Variants in KCNA2 observed in about 807,000 individuals in gnomAD.
KCNA2 encodes potassium channel, voltage gated shaker related subfamily A, member 2.
KCNA2 carries 11 observed loss-of-function variants against 33.4 expected under a neutral mutation model. That is an observed-to-expected ratio of 0.33 (90% confidence interval 0.21 to 0.55). KCNA2 has a LOEUF of 0.55. Among genes scored for constraint, KCNA2 ranks in the 20% least tolerant of loss-of-function variants. KCNA2 has a pLI of 0.93. For synonymous variants in KCNA2, 222 were observed against 231.3 expected, an observed-to-expected ratio of 0.96 and a Z score of 0.37; for missense variants, 291 against 621.6, an observed-to-expected ratio of 0.47 and a Z score of 5.66.
rs1649067669 is a variant in KCNA2, at chr1:110,595,714, C to T, written c.*7569G>A. On this transcript the variant is annotated 3_prime_UTR_variant, in exon 3 of 3. Transcript: ENST00000316361. ...AAGAGGCAACTGAATTTCAGCTGCT[C>T]TAATACCCACACCCTCAACTTAGGT... The T allele has an allele frequency of 1.0e-6, 1 of 985,264 alleles. No individual in the cohort carries two copies. Among genetic ancestry groups the T allele is most frequent in the South Asian group, 4.7e-5 (1 of 21,276 alleles). The allele number at this position is 985,264 out of a possible 1,614,324, so 61.0% of individuals were successfully genotyped here.
At position 110,597,438 on chromosome 1, in the gene KCNA2, T is replaced by C. The variant is rs1020668964; in HGVS notation, c.*5845A>G. The C allele has an allele frequency of 8.1e-6, 8 of 984,870 alleles. No homozygotes were observed. The African/African-American group carries it at 1.1e-4, about 13-fold the overall frequency. The allele number at this position is 984,870 out of a possible 1,614,324, so 61.0% of individuals were successfully genotyped here. A position where few individuals can be genotyped will look rare whatever the true frequency, so the allele number is the denominator to read the frequency against. On this transcript the variant is annotated 3_prime_UTR_variant, in exon 3 of 3. Transcript: ENST00000316361. ...AACTTAGGATTTTCATGCCTAGAGGTTGTAAGGATGCTGTATGACAGCAGG... is the reference window on the plus strand; with the variant it reads ...AACTTAGGATTTTCATGCCTAGAGGCTGTAAGGATGCTGTATGACAGCAGG...
chr1:110,612,263 A>G (rs1376193642), intron 1 of KCNA2, among the ~76,000 whole-genome samples: 4 of 152,150 alleles, frequency 2.6e-5, no homozygotes, highest in Non-Finnish European at 5.9e-5. Flanking sequence ...CGTTGTGCAA[A>G]CATCGTAGAG....
chr1:110,598,689 A>G lies in KCNA2; in HGVS notation c.*4594T>C. 1.0e-6 allele frequency: 1 copy of G among 985,290 alleles called. No homozygotes were observed. The highest frequency in any genetic ancestry group is 1.2e-6 in the Non-Finnish European group (1 of 829,924). The allele number at this position is 985,290 out of a possible 1,614,324, so 61.0% of individuals were successfully genotyped here. On this transcript the variant is annotated 3_prime_UTR_variant, in exon 3 of 3. Transcript: ENST00000316361. ...GCACACTCCCGTGGGGCCCCTTTTA[A>G]AAGGCTAACCTCATGGTGACATGCC... is the stretch of plus-strand genomic sequence containing the variant.
chr1:110,609,516 C>A (rs1570758563), upstream of KCNA2, among the ~76,000 whole-genome samples: 2 of 152,260 alleles, frequency 1.3e-5, no homozygotes, highest in East Asian at 3.9e-4. Flanking sequence ...GGAATTAGGT[C>A]TTTGTGATTC....
Position 110,603,284 on chromosome 1 carries a change from C to T in KCNA2, c.1499G>A (p.Ter500=), listed in dbSNP as rs1649438598. The T allele has an allele frequency of 6.3e-7, 1 of 1,598,016 alleles. No individual in the cohort carries two copies. Among genetic ancestry groups the T allele is most frequent in the Middle Eastern group, 1.7e-4 (1 of 5,954 alleles). The part of the protein sequence containing the change: ...VNITKMLTDV[*] Reference sequence around the variant, plus strand: ...TGTGAGTACGGTAATAGGTTTCAATCAGACATCAGTTAACATTTTGGTAAT... The same window carrying T: ...TGTGAGTACGGTAATAGGTTTCAATTAGACATCAGTTAACATTTTGGTAAT... Residue 500 remains the stop codon, a stop_retained_variant, in exon 3 of 3, where the codon TGA becomes TAA. Coordinates refer to ENST00000316361, the MANE Select transcript of KCNA2 (RefSeq NM_004974.4). The surrounding 1 kb of genome is among the most constrained non-coding windows in gnomAD (Gnocchi z 5.7).
intron 1 of KCNA2, among the ~76,000 whole-genome samples, chr1:110,620,698 G>A (rs965360869): frequency 6.6e-6 from 1 of 152,034 alleles, no homozygotes; most frequent in South Asian, 2.1e-4. Flanking sequence ...GGGTAAAGTC[G>A]GTCATCTAGG....
Position 110,599,718 on chromosome 1 carries a change from A to G in KCNA2, c.*3565T>C. 1 of 985,460 alleles carries G rather than the reference A, an allele frequency of 1.0e-6. No individual in the cohort carries two copies. The highest frequency in any genetic ancestry group is 1.2e-6 in the Non-Finnish European group (1 of 829,934). The allele number at this position is 985,460 out of a possible 1,614,324, so 61.0% of individuals were successfully genotyped here. A position where few individuals can be genotyped will look rare whatever the true frequency, so the allele number is the denominator to read the frequency against. ...CATCTTTACCCTGGTCCTGGGCTCA[A>G]GATCCTGCAGTTTCTTGAGCCATTA... On this transcript the variant is annotated 3_prime_UTR_variant, in exon 3 of 3. Transcript: ENST00000316361.
Position 110,596,363 on chromosome 1 carries a change from A to G in KCNA2, c.*6920T>C. On this transcript the variant is annotated 3_prime_UTR_variant, in exon 3 of 3. Transcript: ENST00000316361. ...TATATATATATATACACACATAAAT[A>G]TATGTATATATGGAAAACCTCTAAA... is the stretch of plus-strand genomic sequence containing the variant. 2.9e-6 allele frequency: 1 copy of G among 345,206 alleles called. No individual in the cohort carries two copies. The highest frequency in any genetic ancestry group is 1.2e-4 in the South Asian group (1 of 8,536). 21.4% of individuals were successfully genotyped at this position (345,206 alleles called of 1,614,324 possible).
At chr1:110,616,936 G>T (rs1034898499) in intron 1 of KCNA2, among the ~76,000 whole-genome samples, 1 of 152,244 alleles carries the variant, frequency 6.6e-6, no homozygotes, top group Non-Finnish European at 1.5e-5. Context: ...TTAAATTGAA[G>T]AATAAAGTAC....
chr1:110,629,249 G>A (rs369612836), intron 1 of KCNA2, among the ~76,000 whole-genome samples: 1 of 152,130 alleles, frequency 6.6e-6, no homozygotes, highest in African/African-American at 2.4e-5. Flanking sequence ...CCCAATCAGC[G>A]AGTGATTTTT....
chr1:110,629,943 C>G (rs1016853346), intron 1 of KCNA2, among the ~76,000 whole-genome samples: 25 of 150,184 alleles, frequency 1.7e-4, no homozygotes, highest in African/African-American at 4.7e-4. Flanking sequence ...GTAGGTTTGA[C>G]TGGAAGAAGC....
rs1207802880 is a variant in KCNA2, at chr1:110,598,212, G to A, written c.*5071C>T. On this transcript the variant is annotated 3_prime_UTR_variant, in exon 3 of 3. Coordinates refer to ENST00000316361, the MANE Select transcript of KCNA2 (RefSeq NM_004974.4). ...ATATTATAGCCCTCGCAGATGAGGC[G>A]GCCATCACCCACATACAAGTTATTA... 7 of 524,778 alleles carry A rather than the reference G, an allele frequency of 1.3e-5. No individual in the cohort carries two copies. The highest frequency in any genetic ancestry group is 1.5e-5 in the Non-Finnish European group (6 of 409,466). 32.5% of individuals were successfully genotyped at this position (524,778 alleles called of 1,614,324 possible). A position where few individuals can be genotyped will look rare whatever the true frequency, so the allele number is the denominator to read the frequency against.
At position 110,604,573 on chromosome 1, in the gene KCNA2, G is replaced by A. The variant is rs746284859; in HGVS notation, c.210C>T (p.Asp70=). The A allele has an allele frequency of 1.2e-6, 2 of 1,614,208 alleles. No individual in the cohort carries two copies. The highest frequency in any genetic ancestry group is 1.1e-5 in the South Asian group (1 of 91,084). ...CGAAAAAGTACTCATTTCGGAGGGG[G>A]TCAAAGTACCTCATTCGTTTCTTTG... ...GDPKKRMRYF[D]PLRNEYFFDR... is the part of the protein sequence containing the mutation. The change falls in exon 3 of 3, where the codon GAC becomes GAT. Residue 70 remains aspartate, a synonymous_variant. Coordinates refer to ENST00000316361, the MANE Select transcript of KCNA2 (RefSeq NM_004974.4). This position sits in a 1 kb window ranked among gnomAD's most constrained non-coding sequence, Gnocchi z 7.6.
intron 1 of KCNA2, among the ~76,000 whole-genome samples, chr1:110,626,569 A>G (rs1177162701): frequency 6.6e-6 from 1 of 152,124 alleles, no homozygotes; most frequent in Non-Finnish European, 1.5e-5. Flanking sequence ...TGGTTTTTTG[A>G]TTTATGTGAA....
chr1:110,624,721 G>A (rs558670614), intron 1 of KCNA2, among the ~76,000 whole-genome samples: 2 of 152,294 alleles, frequency 1.3e-5, no homozygotes, highest in East Asian at 3.9e-4. Context: ...TTGAGATTGT[G>A]TTGCGAGTGG....
At position 110,596,042 on chromosome 1, in the gene KCNA2, T is replaced by A. The variant is rs1469867770; in HGVS notation, c.*7241A>T. 1 of 985,248 alleles carries A rather than the reference T, an allele frequency of 1.0e-6. No individual in the cohort carries two copies. The highest frequency in any genetic ancestry group is 1.2e-6 in the Non-Finnish European group (1 of 829,920). The allele number at this position is 985,248 out of a possible 1,614,324, so 61.0% of individuals were successfully genotyped here. ...AAGGCTAAAGCACCTGGCTGTTAGA[T>A]CAGACTTCCCTTTTATCCCTGAGTC... is the stretch of plus-strand genomic sequence containing the variant. On this transcript the variant is annotated 3_prime_UTR_variant, in exon 3 of 3. Transcript: ENST00000316361.
chr1:110,630,009 C>CTTTTTTTT (rs372364243), intron 1 of KCNA2, among the ~76,000 whole-genome samples: 14 of 115,212 alleles, frequency 1.2e-4, no homozygotes, highest in Non-Finnish European at 1.7e-4. Flanking sequence ...GTGCTCTGTA[C>CTTTTTTTT]TTTTTTTTTT....
intron 1 of KCNA2, 31 bp downstream of exon 1, chr1:110,606,197 T>G (rs1381360053): frequency 6.6e-6 from 1 of 152,410 alleles, no homozygotes; most frequent in Non-Finnish European, 1.5e-5. Context: ...CACAACAAAG[T>G]CTGCACTGTA....
At chr1:110,626,785 C>T (rs540900238) in intron 1 of KCNA2, among the ~76,000 whole-genome samples, 1 of 152,296 alleles carries the variant, frequency 6.6e-6, no homozygotes, top group East Asian at 1.9e-4. Context: ...ACCAGCCAGA[C>T]CAGACTGGTT....
Sources: allele counts gnomAD v4.1 joint callset (sites outside exome capture counted in the v4.1 genomes callset), GRCh38; gene constraint gnomAD v4.1.1; non-coding constraint Gnocchi (gnomAD v3.1); transcripts MANE v1.5; gene names NCBI Gene and HGNC (gene_info 2026-07-23, HGNC 2026-07-21).